The following INPP4B variants were observed in gnomAD, a reference collection of about 807,000 sequenced individuals.
The protein encoded by INPP4B is inositol polyphosphate-4-phosphatase type II B.
Under a neutral mutation model 122.5 loss-of-function variants are expected in INPP4B, and 55 were observed. The ratio of observed to expected loss-of-function variants is 0.45; its 90% CI spans 0.36 to 0.56. INPP4B has a LOEUF of 0.56. INPP4B is among the 20% of genes least tolerant of loss of function. INPP4B has a pLI of 0.00. For missense variants in INPP4B, 1,000 were observed against 1,097.7 expected, an observed-to-expected ratio of 0.91 and a Z score of 1.26; for synonymous variants, 403 against 388.7, an observed-to-expected ratio of 1.04 and a Z score of -0.43.
At chr4:142,683,947 T>G (rs1464649842) in intron 2 of INPP4B, among the ~76,000 whole-genome samples, 1 of 151,878 alleles carries the variant, frequency 6.6e-6, no homozygotes, top group Non-Finnish European at 1.5e-5. Context: ...AGTGACAGGA[T>G]TTTTGGATAT....
At chr4:142,642,205 C>A (rs774430304) in intron 2 of INPP4B, among the ~76,000 whole-genome samples, 30 of 152,106 alleles carry the variant, frequency 2.0e-4, no homozygotes, top group Admixed American at 1.2e-3. Context: ...AATTTTCTCC[C>A]ATTCTGTAGG....
At chr4:142,540,949 T>C (rs1480897616) in intron 2 of INPP4B, among the ~76,000 whole-genome samples, 1 of 152,198 alleles carries the variant, frequency 6.6e-6, no homozygotes, top group Non-Finnish European at 1.5e-5. Context: ...CTTGCATATA[T>C]TTAAAGTAAG....
intron 2 of INPP4B, among the ~76,000 whole-genome samples, chr4:142,646,870 C>T (rs1204546008): frequency 1.3e-5 from 2 of 152,034 alleles, no homozygotes; most frequent in South Asian, 2.1e-4. Flanking sequence ...ACTAAGCAAA[C>T]CAAACACAGC....
chr4:142,248,885 T>C (rs1337812857), intron 11 of INPP4B, among the ~76,000 whole-genome samples: 1 of 152,068 alleles, frequency 6.6e-6, no homozygotes, highest in Non-Finnish European at 1.5e-5. Flanking sequence ...AGATGCTAAA[T>C]AATGAAGAAT....
chr4:142,649,378 A>G (rs1488305239), intron 2 of INPP4B, among the ~76,000 whole-genome samples: 1 of 152,212 alleles, frequency 6.6e-6, no homozygotes, highest in African/African-American at 2.4e-5. Context: ...GACTTTGACA[A>G]GTTGACAGAA....
At chr4:142,302,623 C>CTAT (rs1761903835) in intron 9 of INPP4B, among the ~76,000 whole-genome samples, 1 of 152,132 alleles carries the variant, frequency 6.6e-6, no homozygotes, top group East Asian at 1.9e-4. Flanking sequence ...ATTATCAGAG[C>CTAT]ACAAAGCACA....
At chr4:142,699,702 G>A (rs909720460) in intron 2 of INPP4B, among the ~76,000 whole-genome samples, 5 of 152,072 alleles carry the variant, frequency 3.3e-5, no homozygotes, top group Non-Finnish European at 7.4e-5. Context: ...CTCTGACACT[G>A]TGCTTCCTAT....
At chr4:142,603,788 A>AAAG (rs543071099) in intron 2 of INPP4B, among the ~76,000 whole-genome samples, 78 of 152,240 alleles carry the variant, frequency 5.1e-4, no homozygotes, top group African/African-American at 1.8e-3. Flanking sequence ...CAAAATATAT[A>AAAG]AAGAAGAACT....
rs72363974 is a variant in INPP4B, at chr4:142,537,740, AGTGTGTGTGTGTGTGTGTGTGT to A, written c.-190-75036_-190-75015del. 6.1e-5 allele frequency among the ~76,000 whole-genome samples: 9 copies of A among 146,892 alleles called. No individual in the cohort carries two copies. The East Asian group carries it at 1.8e-3, about 29-fold the overall frequency. ...GTCTGTGAGTATGTATGTGTATATG[AGTGTGTGTGTGTGTGTGTGTGT>A]GTGTGTGTGTGTGACTGCATTTATG... is the stretch of plus-strand genomic sequence containing the variant. On this transcript the variant is annotated intron_variant, in intron 2 of 25. Transcript: ENST00000262992.
At chr4:142,691,947 C>T (rs1026842641) in intron 2 of INPP4B, among the ~76,000 whole-genome samples, 1 of 152,130 alleles carries the variant, frequency 6.6e-6, no homozygotes, top group Non-Finnish European at 1.5e-5. Flanking sequence ...AGACACTCCC[C>T]TTCTAATTTA....
intron 2 of INPP4B, chr4:142,654,567 C>T (rs1433308286): frequency 6.6e-6 from 1 of 152,034 alleles, no homozygotes. Context: ...TGTATCATTT[C>T]AAGAGGCTTG....
At chr4:142,260,990 G>C (rs757382580) in intron 10 of INPP4B, among the ~76,000 whole-genome samples, 1 of 152,234 alleles carries the variant, frequency 6.6e-6, no homozygotes, top group East Asian at 1.9e-4. Context: ...ATATGTTGAC[G>C]CCACTAGTTA....
intron 23 of INPP4B, among the ~76,000 whole-genome samples, chr4:142,093,196 G>A (rs1043079678): frequency 1.3e-5 from 2 of 152,266 alleles, no homozygotes; most frequent in Admixed American, 1.3e-4. Flanking sequence ...TCACAGCTGA[G>A]CCCAGCCTTT....
chr4:142,183,829 T>A (rs1187657080), intron 15 of INPP4B, among the ~76,000 whole-genome samples: 3 of 152,138 alleles, frequency 2.0e-5, no homozygotes, highest in African/African-American at 7.2e-5. Context: ...GTTTTAAAAA[T>A]AAACAGACAA....
chr4:142,183,734 G>A (rs1291272206), intron 15 of INPP4B, among the ~76,000 whole-genome samples: 1 of 152,126 alleles, frequency 6.6e-6, no homozygotes, highest in Non-Finnish European at 1.5e-5. Flanking sequence ...GGTTTAAAAT[G>A]TTGTTTCAGT....
chr4:142,082,204 C>A lies in INPP4B; in HGVS notation c.2488-19G>T. 1 of 1,488,520 alleles carries A rather than the reference C, an allele frequency of 6.7e-7. No individual in the cohort carries two copies. Among genetic ancestry groups the A allele is most frequent in the South Asian group, 1.4e-5 (1 of 70,198 alleles). 92.2% of individuals were successfully genotyped at this position (1,488,520 alleles called of 1,614,324 possible). ...GGCAAATCTGTAACATATGTAAGAA[C>A]GAACGTTTCTTGTTCATTTGTAATA... On this transcript the variant is annotated intron_variant, in intron 24 of 25. Coordinates refer to ENST00000262992, the MANE Select transcript of INPP4B (RefSeq NM_001101669.3).
At chr4:142,577,736 G>GTGCT (rs528703259) in intron 2 of INPP4B, among the ~76,000 whole-genome samples, 79 of 152,062 alleles carry the variant, frequency 5.2e-4, no homozygotes, top group African/African-American at 1.8e-3. Flanking sequence ...ATATAGAATA[G>GTGCT]TGCCTTGAAC....
intron 17 of INPP4B, among the ~76,000 whole-genome samples, chr4:142,152,938 T>C (rs976680973): frequency 5.3e-5 from 8 of 152,214 alleles, no homozygotes; most frequent in African/African-American, 1.9e-4. Flanking sequence ...TGAATATCTA[T>C]TGACTGACTT....
intron 25 of INPP4B, among the ~76,000 whole-genome samples, chr4:142,037,646 C>A (rs1186295067): frequency 6.6e-6 from 1 of 152,154 alleles, no homozygotes; most frequent in African/African-American, 2.4e-5. Context: ...TATGGGTATA[C>A]CATCCTGAAA....
Sources: allele counts gnomAD v4.1 joint callset (sites outside exome capture counted in the v4.1 genomes callset), GRCh38; gene constraint gnomAD v4.1.1; transcripts MANE v1.5; gene names NCBI Gene and HGNC (gene_info 2026-07-23, HGNC 2026-07-21).